SLC9A3: variants seen among roughly 807,000 people sequenced by gnomAD.
The protein encoded by SLC9A3 is solute carrier family 9 member A3, also known as sodium/hydrogen exchanger 3.
Under a neutral mutation model 86.8 loss-of-function variants are expected in SLC9A3, and 37 were observed. The observed-to-expected ratio is 0.43, with a 90% CI of 0.33 to 0.56. SLC9A3 has a LOEUF of 0.56. Among genes scored for constraint, SLC9A3 ranks in the 20% least tolerant of loss-of-function variants. The probability of loss-of-function intolerance (pLI) is 0.06; values close to 1 mark genes in which losing one functional copy is unlikely to be tolerated. For missense variants in SLC9A3, 1,011 were observed against 1,171.9 expected (o/e 0.86, Z 2.00); for synonymous variants, 581 against 528.3 (o/e 1.10, Z -1.37).
intron 1 of SLC9A3, among the ~76,000 whole-genome samples, chr5:521,087 G>A (rs1210963423): frequency 2.0e-5 from 3 of 152,324 alleles, no homozygotes; most frequent in Admixed American, 6.5e-5. Context: ...AGACTTCCTC[G>A]TCCTCTCAGT....
intron 1 of SLC9A3, among the ~76,000 whole-genome samples, chr5:500,194 G>C (rs781486892): frequency 2.6e-5 from 4 of 152,252 alleles, no homozygotes; most frequent in African/African-American, 7.2e-5. Flanking sequence ...ACACTGTGAG[G>C]GAACCAGGCG....
intron 1 of SLC9A3, among the ~76,000 whole-genome samples, chr5:507,121 T>TAAAG: frequency 8.2e-6 from 1 of 122,128 alleles, no homozygotes; most frequent in Non-Finnish European, 1.7e-5. Context: ...AATAAATAAA[T>TAAAG]AAAGTTATTG....
At chr5:524,091 G>C in intron 1 of SLC9A3, 21 bp downstream of exon 1, 3 of 1,460,716 alleles carry the variant, frequency 2.1e-6, no homozygotes, top group Non-Finnish European at 2.7e-6. Context: ...GGGCAGATCC[G>C]GAGACCCCGG....
chr5:485,599 CT>C (rs1739425979), intron 3 of SLC9A3, among the ~76,000 whole-genome samples: 1 of 152,284 alleles, frequency 6.6e-6, no homozygotes, highest in Non-Finnish European at 1.5e-5. Context: ...GCTCTAGCCC[CT>C]GCCGTCTTTG....
Position 477,446 on chromosome 5 carries a change from T to G in SLC9A3, c.1648-2A>C, listed in dbSNP as rs755069509. 1 of 1,609,368 alleles carries G rather than the reference T, an allele frequency of 6.2e-7. No homozygotes were observed. Among genetic ancestry groups the G allele is most frequent in the Non-Finnish European group, 8.5e-7 (1 of 1,177,510 alleles). On this transcript the variant is annotated splice_acceptor_variant, in intron 10 of 16. Coordinates refer to ENST00000264938, the MANE Select transcript of SLC9A3 (RefSeq NM_004174.4). LOFTEE classifies it high-confidence loss of function. The stretch of plus-strand genomic sequence containing the variant: ...GGCCAGGGACCCGCGGCGCTCTCCC[T>G]GTGGTCAGGAAGCAGCCCGGTCAGT...
At chr5:473,759 G>GC (rs1738537033) in intron 16 of SLC9A3, among the ~76,000 whole-genome samples, 2 of 152,210 alleles carry the variant, frequency 1.3e-5, no homozygotes, top group Non-Finnish European at 2.9e-5. Flanking sequence ...CCCAGAGGGA[G>GC]CTCAGAAAGC....
chr5:482,419 G>A, intron 7 of SLC9A3, 129 bp downstream of exon 7: 1 of 787,896 alleles, frequency 1.3e-6, no homozygotes, highest in East Asian at 2.5e-5. Context: ...CTACAAAACG[G>A]CTCCTAGTTA....
Position 481,608 on chromosome 5 carries a change from CGAT to C in SLC9A3, c.1471_1473del (p.Ile491del). On this transcript the variant is annotated inframe_deletion, in exon 9 of 17. Transcript: ENST00000264938. ...TGCCCGATCTGTCCGGATATGTCCT[CGAT>C]GGCCGAGAGGATGTGGTCGAAAGCC... The C allele has an allele frequency of 1.2e-6, 2 of 1,614,066 alleles. No homozygotes were observed. The highest frequency in any genetic ancestry group is 1.7e-6 in the Non-Finnish European group (2 of 1,179,982).
Position 524,290 on chromosome 5 carries a change from C to A in SLC9A3, c.33G>T (p.Arg11=). ...CCAGCGCCAGCGCCAGCAGCAGCCC[C>A]CGGTCGGGGCCCCGGGCCCCGAGTC... MWGLGARGPD[R]GLLLALALGG... The change falls in exon 1 of 17, where the codon CGG becomes CGT. Residue 11 remains arginine, a synonymous_variant. Transcript: ENST00000264938. 1 of 1,307,348 alleles carries A rather than the reference C, an allele frequency of 7.6e-7. No homozygotes were observed. The highest frequency in any genetic ancestry group is 3.3e-5 in the East Asian group (1 of 29,868). 81.0% of individuals were successfully genotyped at this position (1,307,348 alleles called of 1,614,324 possible).
At chr5:510,976 G>T (rs992942322) in intron 1 of SLC9A3, among the ~76,000 whole-genome samples, 1 of 152,176 alleles carries the variant, frequency 6.6e-6, no homozygotes, top group South Asian at 2.1e-4. Flanking sequence ...TCCTGTCTCT[G>T]CAGGTCCCAC....
chr5:514,094 C>T (rs1050866774), intron 1 of SLC9A3, among the ~76,000 whole-genome samples: 1 of 152,272 alleles, frequency 6.6e-6, no homozygotes. Context: ...CGGGAGGGCA[C>T]CCTGCTTTCT....
Position 476,473 on chromosome 5 carries a change from A to T in SLC9A3, c.1890+70T>A, listed in dbSNP as rs1043520770. ...CTGAGCACGGATCCCCCGTGGTCCC[A>T]GGAGGGGACGAGGAAGCCGCCCCAC... On this transcript the variant is annotated intron_variant, in intron 12 of 16. Coordinates refer to ENST00000264938, the MANE Select transcript of SLC9A3 (RefSeq NM_004174.4). The T allele has an allele frequency of 2.9e-5, 46 of 1,603,006 alleles. No homozygotes were observed. The African/African-American group carries it at 5.2e-4, about 18-fold the overall frequency.
intron 1 of SLC9A3, among the ~76,000 whole-genome samples, chr5:511,592 C>T (rs77492968): frequency 0.015 from 2,324 of 152,360 alleles, 57 homozygotes; most frequent in African/African-American, 0.053. Context: ...CACGGAGACA[C>T]CACCACGTAC....
In SLC9A3 at chr5:484,567, G is replaced by A. The variant is rs1446937363; in HGVS notation, c.885C>T (p.Tyr295=). 1 of 1,613,238 alleles carries A rather than the reference G, an allele frequency of 6.2e-7. No individual in the cohort carries two copies. The highest frequency in any genetic ancestry group is 8.5e-7 in the Non-Finnish European group (1 of 1,179,966). Residue 295 remains tyrosine, a synonymous_variant, in exon 5 of 17, where the codon TAC becomes TAT. Coordinates refer to ENST00000264938, the MANE Select transcript of SLC9A3 (RefSeq NM_004174.4). ...GCATCTCGGACGTCAGGTAGGACAG[G>A]TAGGAGATGATGAACACGAAGCCGG... ...IEPGFVFIIS[Y]LSYLTSEMLS... is the part of the protein sequence containing the mutation.
At chr5:510,619 A>G (rs1248145265) in intron 1 of SLC9A3, among the ~76,000 whole-genome samples, 1 of 152,228 alleles carries the variant, frequency 6.6e-6, no homozygotes, top group Non-Finnish European at 1.5e-5. Flanking sequence ...TGCCCAGTGC[A>G]TTTTCAGGCA....
chr5:486,841 G>A (rs993367517), intron 3 of SLC9A3, among the ~76,000 whole-genome samples: 22 of 142,528 alleles, frequency 1.5e-4, no homozygotes, highest in Admixed American at 9.4e-4. Context: ...TCCCGCAGGA[G>A]CCCACCACAC....
intron 9 of SLC9A3, 122 bp from the exon 10 acceptor site, chr5:480,087 A>G: frequency 9.1e-7 from 1 of 1,103,266 alleles, no homozygotes; most frequent in Non-Finnish European, 1.3e-6. Context: ...AGGCGCGTTT[A>G]AAATGAGGGA....
In SLC9A3 at chr5:476,047, C is replaced by A. The variant is rs928493081; in HGVS notation, c.2113G>T (p.Ala705Ser). 3 of 1,613,064 alleles carry A rather than the reference C, an allele frequency of 1.9e-6. No individual in the cohort carries two copies. In the African/African-American group the frequency reaches 4.0e-5, roughly 22 times the overall value. Residue 705 changes from alanine (A) to serine (S), a missense_variant, in exon 14 of 17, where the codon GCG becomes TCG. Ala to Ser is a moderately conservative substitution (Grantham distance 99). Transcript: ENST00000264938. ...PNGKLPMESP[A>S]QNFTIKEKDL... ...TTCTCCTTGATGGTGAAATTCTGCG[C>A]AGGGCTCTCCATGGGCAGCTTCCCA... is the stretch of plus-strand genomic sequence containing the variant.
In SLC9A3 at chr5:498,769, G is replaced by A. The variant is rs1003900030; in HGVS notation, c.212-6698C>T. On this transcript the variant is annotated intron_variant, in intron 1 of 16. Transcript: ENST00000264938. ...CTGTGGACATTCTCTGCACAACCCC[G>A]CTTTGGGAAGAGTGCCCCTGCTGGC... is the stretch of plus-strand genomic sequence containing the variant. Among the ~76,000 whole-genome samples the A allele has an allele frequency of 6.6e-5, 10 of 152,200 alleles. 1 individual carries two copies. The South Asian group carries it at 1.4e-3, about 22-fold the overall frequency.
Sources: allele counts gnomAD v4.1 joint callset (sites outside exome capture counted in the v4.1 genomes callset), GRCh38; gene constraint gnomAD v4.1.1; transcripts MANE v1.5; gene names NCBI Gene and HGNC (gene_info 2026-07-23, HGNC 2026-07-21).